Variants in ASIC2 observed in about 807,000 individuals in gnomAD.
ASIC2 encodes acid sensing ion channel subunit 2.
In ASIC2, 25 loss-of-function variants were observed where a neutral mutation model predicts 57.3. That is an observed-to-expected ratio of 0.44 (90% CI 0.32 to 0.61). ASIC2 has a LOEUF of 0.61. ASIC2 is among the 20% of genes least tolerant of loss of function. The pLI is 0.06. For synonymous variants in ASIC2, 319 were observed against 307.5 expected (o/e 1.04, Z -0.39); for missense variants, 641 against 738.1 (o/e 0.87, Z 1.52).
At chr17:33,461,966 G>A (rs1276878369) in intron 1 of ASIC2, among the ~76,000 whole-genome samples, 1 of 152,224 alleles carries the variant, frequency 6.6e-6, no homozygotes, top group Non-Finnish European at 1.5e-5. Context: ...ATGTGCCACT[G>A]TGTCAGGCAC....
rs536590177 is a variant in ASIC2 at position 33,870,846 on chromosome 17, C to T, written c.555+285132G>A. On this transcript the variant is annotated intron_variant, in intron 1 of 9. Coordinates refer to the ASIC2 transcript ENST00000359872. ...TATTGGGAAAACTTTTAGAACAATG[C>T]CTGACATATGTAGGCTTAATATAAG... Among the ~76,000 whole-genome samples, 182 of 152,224 alleles carry T rather than the reference C, an allele frequency of 1.2e-3. 2 individuals are homozygous for T. In the Middle Eastern group the frequency reaches 0.034, roughly 28 times the overall value.
intron 1 of ASIC2, among the ~76,000 whole-genome samples, chr17:34,147,720 G>C (rs541896795): frequency 1.3e-5 from 2 of 152,286 alleles, no homozygotes; most frequent in East Asian, 3.9e-4. Context: ...AAATGGCCTT[G>C]CTGGTCAAGG....
At chr17:33,856,456 G>A (rs865792012) in intron 1 of ASIC2, among the ~76,000 whole-genome samples, 1 of 116,692 alleles carries the variant, frequency 8.6e-6, no homozygotes, top group Admixed American at 8.9e-5. Context: ...AGTAGTAATA[G>A]TCTTATCAGT....
chr17:33,159,903 G>A (rs1905113607), intron 1 of ASIC2, among the ~76,000 whole-genome samples: 1 of 152,170 alleles, frequency 6.6e-6, no homozygotes, highest in African/African-American at 2.4e-5. Flanking sequence ...ACAATGCCTG[G>A]CACATAGAAA....
chr17:33,632,079 T>TC (rs1218308349), intron 1 of ASIC2, among the ~76,000 whole-genome samples: 12 of 152,304 alleles, frequency 7.9e-5, no homozygotes, highest in Middle Eastern at 3.4e-3. Flanking sequence ...AATTCCTGGT[T>TC]CTGCCACTTA....
chr17:33,101,833 T>C (rs2092213139), intron 2 of ASIC2, among the ~76,000 whole-genome samples: 1 of 152,226 alleles, frequency 6.6e-6, no homozygotes, highest in South Asian at 2.1e-4. Context: ...TCTTGCGAAA[T>C]AAATATTTTG....
At position 34,143,378 on chromosome 17, in the gene ASIC2, ATGGTGT is replaced by A. The variant is rs1396686934; in HGVS notation, c.555+12594_555+12599del. On this transcript the variant is annotated intron_variant, in intron 1 of 9. Coordinates refer to the ASIC2 transcript ENST00000359872. Reference sequence around the variant, plus strand: ...ATGTTGAAGCTTGGTCCCAAATGTGATGGTGTTGGGAGGTGGTCCCTTTAAGGGGTG... The same window carrying A: ...ATGTTGAAGCTTGGTCCCAAATGTGATGGGAGGTGGTCCCTTTAAGGGGTG... Among the ~76,000 whole-genome samples, 3 of 152,250 alleles carry A rather than the reference ATGGTGT, an allele frequency of 2.0e-5. No homozygotes were observed. In the East Asian group the frequency reaches 5.8e-4, roughly 29 times the overall value.
chr17:33,228,570 G>T (rs1033063362), intron 1 of ASIC2, among the ~76,000 whole-genome samples: 10 of 152,372 alleles, frequency 6.6e-5, no homozygotes, highest in African/African-American at 2.4e-4. Context: ...TCATGAGTGT[G>T]TAGCACCCAC....
chr17:33,310,215 G>A (rs1266024334), intron 1 of ASIC2, among the ~76,000 whole-genome samples: 1 of 151,726 alleles, frequency 6.6e-6, no homozygotes, highest in African/African-American at 2.4e-5. Flanking sequence ...ATTTATGCTT[G>A]GGGGCAGGGC....
chr17:33,422,902 G>A (rs1450060394), intron 1 of ASIC2, among the ~76,000 whole-genome samples: 1 of 152,156 alleles, frequency 6.6e-6, no homozygotes, highest in Non-Finnish European at 1.5e-5. Flanking sequence ...TGAGACTAAA[G>A]GCAGGAAGGT....
chr17:33,874,838 T>C (rs974693037), intron 1 of ASIC2, among the ~76,000 whole-genome samples: 6 of 152,210 alleles, frequency 3.9e-5, no homozygotes, highest in African/African-American at 1.4e-4. Flanking sequence ...CACCACATGC[T>C]TTTTGAGTAT....
chr17:34,011,501 C>A (rs1202086091), intron 1 of ASIC2, among the ~76,000 whole-genome samples: 1 of 152,168 alleles, frequency 6.6e-6, no homozygotes, highest in Non-Finnish European at 1.5e-5. Flanking sequence ...TTCTTCTCAA[C>A]AACCCACAAT....
At chr17:33,217,329 A>G (rs2142094229) in intron 1 of ASIC2, among the ~76,000 whole-genome samples, 1 of 152,256 alleles carries the variant, frequency 6.6e-6, no homozygotes. Context: ...TCTGCAGGAG[A>G]CCTTCCCTCA....
intron 1 of ASIC2, among the ~76,000 whole-genome samples, chr17:33,299,263 A>C (rs906262568): frequency 1.3e-4 from 20 of 151,854 alleles, no homozygotes; most frequent in African/African-American, 4.9e-4. Context: ...GCAACAGAAC[A>C]GAGCCATCTG....
At chr17:33,610,358 T>A (rs543348989) in intron 1 of ASIC2, among the ~76,000 whole-genome samples, 1 of 152,110 alleles carries the variant, frequency 6.6e-6, no homozygotes, top group African/African-American at 2.4e-5. Flanking sequence ...GGTTTCACCG[T>A]GTTGGCCAGG....
At chr17:33,827,849 A>G (rs1330476885) in intron 1 of ASIC2, 2 of 151,862 alleles carry the variant, frequency 1.3e-5, no homozygotes, top group Non-Finnish European at 2.9e-5. Flanking sequence ...TACATTAGGT[A>G]TTTGTCCTGA....
At chr17:33,802,997 A>G (rs549808244) in intron 1 of ASIC2, among the ~76,000 whole-genome samples, 65 of 152,330 alleles carry the variant, frequency 4.3e-4, no homozygotes, top group Non-Finnish European at 6.5e-4. Flanking sequence ...GAGTGTAAGC[A>G]TTGCCTTTGG....
intron 1 of ASIC2, among the ~76,000 whole-genome samples, chr17:33,546,126 A>AT (rs1567645861): frequency 6.0e-5 from 9 of 150,318 alleles, no homozygotes; most frequent in African/African-American, 1.7e-4. Context: ...TATATATGTA[A>AT]ATATATATAC....
rs148145431 is a variant in ASIC2 at position 33,960,290 on chromosome 17, G to C, written c.555+195688C>G. On this transcript the variant is annotated intron_variant, in intron 1 of 9. Coordinates refer to the ASIC2 transcript ENST00000359872. ...GAGGATACCAGACCCAAGAGATGGA[G>C]AGGGACATTTGAGCCCCTAAATCTA... 1.1e-4 allele frequency among the ~76,000 whole-genome samples: 16 copies of C among 152,330 alleles called. No homozygotes were observed. The East Asian group carries it at 3.1e-3, about 29-fold the overall frequency.
Sources: allele counts gnomAD v4.1 joint callset (sites outside exome capture counted in the v4.1 genomes callset), GRCh38; gene constraint gnomAD v4.1.1; transcripts MANE v1.5; gene names NCBI Gene and HGNC (gene_info 2026-07-23, HGNC 2026-07-21).